KCNQ5: variants seen among roughly 807,000 people sequenced by gnomAD.
KCNQ5 encodes potassium voltage-gated channel subfamily Q member 5.
In KCNQ5, 30 loss-of-function variants were observed where a neutral mutation model predicts 98.2. The observed-to-expected ratio is 0.31, with a 90% confidence interval of 0.23 to 0.41. KCNQ5 has a LOEUF of 0.41. Ranked by LOEUF, KCNQ5 falls within the 10% of genes least tolerant of loss-of-function variation. The probability of loss-of-function intolerance (pLI) is 1.00; values close to 1 mark genes in which losing one functional copy is unlikely to be tolerated. For missense variants in KCNQ5, 835 were observed against 1,182.5 expected (o/e 0.71, Z 4.31); for synonymous variants, 458 against 449.4 (o/e 1.02, Z -0.24).
intron 2 of KCNQ5, among the ~76,000 whole-genome samples, chr6:73,032,284 C>T (rs180839884): frequency 6.6e-6 from 1 of 152,320 alleles, no homozygotes; most frequent in East Asian, 1.9e-4. Context: ...TCTCCTGCCT[C>T]AGCCTCCTGA....
At chr6:73,092,083 TTTTTTTGTTTGTTTG>T (rs1774276239) in intron 5 of KCNQ5, among the ~76,000 whole-genome samples, 3 of 152,176 alleles carry the variant, frequency 2.0e-5, no homozygotes, top group Middle Eastern at 3.4e-3. Context: ...TTGTGGATTT[TTTTTTTGTTTGTTTG>T]TTTTTTGTTT....
At chr6:72,888,244 A>G (rs1222858012) in intron 1 of KCNQ5, among the ~76,000 whole-genome samples, 1 of 152,198 alleles carries the variant, frequency 6.6e-6, no homozygotes, top group Non-Finnish European at 1.5e-5. Flanking sequence ...TTTTTCGGAA[A>G]TGATGAAACC....
intron 1 of KCNQ5, among the ~76,000 whole-genome samples, chr6:72,843,927 G>T (rs1776911374): frequency 6.6e-6 from 1 of 151,714 alleles, no homozygotes; most frequent in East Asian, 1.9e-4. Context: ...CAGCAAACTT[G>T]CTCTCACTCG....
rs186466196 is a variant in KCNQ5 at position 72,884,499 on chromosome 6, G to C, written c.399-119409G>C. On this transcript the variant is annotated intron_variant, in intron 1 of 13. Coordinates refer to ENST00000370398, the MANE Select transcript of KCNQ5 (RefSeq NM_019842.4). ...GAAAGAGTATTGTGTATGCATAGAG[G>C]GTCCGTCCTCAGAGATACATCCTCA... is the stretch of plus-strand genomic sequence containing the variant. Among the ~76,000 whole-genome samples, 3 of 152,200 alleles carry C rather than the reference G, an allele frequency of 2.0e-5. No individual in the cohort carries two copies. The East Asian group carries it at 5.8e-4, about 29-fold the overall frequency.
intron 1 of KCNQ5, among the ~76,000 whole-genome samples, chr6:72,730,798 T>C (rs1770516778): frequency 6.6e-6 from 1 of 151,592 alleles, no homozygotes; most frequent in African/African-American, 2.4e-5. Context: ...TGTTTGTTTC[T>C]TTTTCCATAT....
Position 73,192,569 on chromosome 6 carries a change from G to T in KCNQ5, c.1714G>T (p.Asp572Tyr). The stretch of plus-strand genomic sequence containing the variant: ...GATCTCCTCTTTCTCTGATAGTGTT[G>T]ATCAAATTCTTGGAAAAGGGCAAAT... ...CRIKSLQTRV[D>Y]QILGKGQITS... The change falls in exon 13 of 14, where the codon GAT becomes TAT. Residue 572 changes from aspartate (D) to tyrosine (Y), a missense_variant. By Grantham distance (160) the Asp-to-Tyr change is radical. This residue lies in a region of KCNQ5 where 416 missense variants were observed against 446.9 expected (regional missense o/e 0.93). Transcript: ENST00000370398. The T allele has an allele frequency of 6.2e-7, 1 of 1,607,356 alleles. No individual in the cohort carries two copies.
chr6:73,133,533 G>A lies in KCNQ5; in HGVS notation c.1360G>A (p.Ala454Thr), dbSNP rs1433834772. The change falls in exon 10 of 14, where the codon GCC (alanine) becomes ACC (threonine). Residue 454 changes from alanine (A) to threonine (T), a missense_variant. Around this residue, in one of 10 missense-constraint regions of KCNQ5, gnomAD observed 146 missense variants for 256.7 expected, o/e 0.57. Coordinates refer to ENST00000370398, the MANE Select transcript of KCNQ5 (RefSeq NM_019842.4). ...GAGGTCCCCAAGCACCGACATCACAGCCGAGGGCAGTCCCACCAAAGTGCA... is the reference window on the plus strand; with the variant it reads ...GAGGTCCCCAAGCACCGACATCACAACCGAGGGCAGTCCCACCAAAGTGCA... Reference protein sequence around the residue: ...DRRSPSTDITAEGSPTKVQKS... With the variant: ...DRRSPSTDITTEGSPTKVQKS... 6.2e-7 allele frequency: 1 copy of A among 1,614,064 alleles called. No homozygotes were observed. The highest frequency in any genetic ancestry group is 8.5e-7 in the Non-Finnish European group (1 of 1,180,036).
intron 1 of KCNQ5, among the ~76,000 whole-genome samples, chr6:72,884,354 A>G (rs917426286): frequency 6.6e-6 from 1 of 152,138 alleles, no homozygotes; most frequent in African/African-American, 2.4e-5. Context: ...AGGGTTTAGG[A>G]AAAGAAATAT....
chr6:72,955,185 C>T (rs1766983518), intron 1 of KCNQ5, among the ~76,000 whole-genome samples: 1 of 152,196 alleles, frequency 6.6e-6, no homozygotes, highest in African/African-American at 2.4e-5. Flanking sequence ...TAGCAGTTAG[C>T]ATAATCACTC....
intron 1 of KCNQ5, among the ~76,000 whole-genome samples, chr6:72,930,598 A>AAAAAAT: frequency 6.6e-6 from 1 of 151,746 alleles, no homozygotes; most frequent in African/African-American, 2.4e-5. Context: ...AAAAAAAAAA[A>AAAAAAT]ACCGCTCAAA....
intron 7 of KCNQ5, among the ~76,000 whole-genome samples, chr6:73,119,978 C>G (rs1775677714): frequency 6.6e-6 from 1 of 151,888 alleles, no homozygotes; most frequent in Non-Finnish European, 1.5e-5. Context: ...TGGTTCATAC[C>G]TGTAATCCCA....
At chr6:73,133,272 A>G (rs376689789) in intron 9 of KCNQ5, 149 bp from the exon 10 acceptor site, 1 of 664,790 alleles carries the variant, frequency 1.5e-6, no homozygotes, top group South Asian at 2.0e-5. Context: ...CAAATTTTAA[A>G]TAAGGGAAAA....
intron 1 of KCNQ5, among the ~76,000 whole-genome samples, chr6:72,811,753 C>A (rs1236093636): frequency 6.6e-6 from 1 of 152,132 alleles, no homozygotes; most frequent in Non-Finnish European, 1.5e-5. Flanking sequence ...CCAGTTCAGA[C>A]CCCTAAAGAG....
At chr6:73,127,520 A>C (rs146849047) in intron 9 of KCNQ5, among the ~76,000 whole-genome samples, 45 of 152,298 alleles carry the variant, frequency 3.0e-4, no homozygotes, top group African/African-American at 1.1e-3. Context: ...ACTCTCACCA[A>C]AGGACGGAGC....
chr6:73,075,887 A>G (rs1562163619), intron 3 of KCNQ5, among the ~76,000 whole-genome samples: 1 of 152,306 alleles, frequency 6.6e-6, no homozygotes, highest in Middle Eastern at 3.4e-3. Flanking sequence ...CTACAAAAAA[A>G]TACAAAAATT....
chr6:72,691,257 T>C (rs1312280063), intron 1 of KCNQ5, among the ~76,000 whole-genome samples: 2 of 152,250 alleles, frequency 1.3e-5, no homozygotes, highest in African/African-American at 4.8e-5. Context: ...TGTATAGTTC[T>C]ATTTTTCATA....
intron 8 of KCNQ5, among the ~76,000 whole-genome samples, chr6:73,120,954 GCTTAGAGAGTAATCCAT>G (rs1775722647): frequency 1.3e-5 from 2 of 152,172 alleles, no homozygotes; most frequent in South Asian, 4.1e-4. Context: ...AGAGATGAGT[GCTTAGAGAGTAATCCAT>G]CTTTGTACGT....
intron 1 of KCNQ5, among the ~76,000 whole-genome samples, chr6:72,708,218 T>C (rs1440735105): frequency 6.6e-6 from 1 of 152,226 alleles, no homozygotes; most frequent in African/African-American, 2.4e-5. Flanking sequence ...TAAATTTTAA[T>C]TGCAACAAAA....
intron 5 of KCNQ5, among the ~76,000 whole-genome samples, chr6:73,089,294 A>G (rs1290415758): frequency 6.6e-6 from 1 of 152,174 alleles, no homozygotes; most frequent in Non-Finnish European, 1.5e-5. Flanking sequence ...AGATGAACAG[A>G]ATAAGGATTT....
Sources: gnomAD v4.1 joint callset for allele counts (sites outside exome capture counted in the v4.1 genomes callset) on GRCh38, gnomAD v4.1.1 for gene constraint, gnomAD v4.1.1 regional missense constraint, MANE v1.5 for transcripts, NCBI Gene and HGNC (gene_info 2026-07-23, HGNC 2026-07-21) for gene names.